The following ABR variants were observed in gnomAD, a reference collection of about 807,000 sequenced individuals.
ABR encodes the protein active breakpoint cluster region-related protein.
Under a neutral mutation model 107.2 loss-of-function variants are expected in ABR, and 35 were observed. That is an observed-to-expected ratio of 0.33 (90% CI 0.25 to 0.43). ABR has a LOEUF of 0.43. Ranked by LOEUF, ABR falls within the 20% of genes least tolerant of loss-of-function variation. ABR has a pLI of 1.00. For synonymous variants in ABR, 498 were observed against 462.0 expected (o/e 1.08, Z -1.00); for missense variants, 815 against 1,115.2 (o/e 0.73, Z 3.83).
chr17:1,156,752 G>C (rs537979985), intron 1 of ABR, among the ~76,000 whole-genome samples: 18 of 152,278 alleles, frequency 1.2e-4, no homozygotes, highest in Admixed American at 7.8e-4. Flanking sequence ...TTGGTGAATA[G>C]TGAGTTCCAC....
chr17:1,014,634 C>T (rs1273471522), intron 16 of ABR, among the ~76,000 whole-genome samples: 25 of 150,658 alleles, frequency 1.7e-4, no homozygotes, highest in Admixed American at 1.1e-3. Flanking sequence ...GTCAGGAGAT[C>T]GAGACCATCC....
rs572987213 is a variant in ABR at position 1,056,471 on chromosome 17, G to A, written c.1487-362C>T. On this transcript the variant is annotated intron_variant, in intron 13 of 22. Transcript: ENST00000302538. ...AATCATTCTGCTAATGATTTATGTC[G>A]AGGAAAGCTTGCCTTCAGGACCCCG... 2.6e-5 allele frequency among the ~76,000 whole-genome samples: 4 copies of A among 152,072 alleles called. No homozygotes were observed. The South Asian group carries it at 6.2e-4, about 24-fold the overall frequency.
At chr17:1,049,252 C>G (rs2032148107) in intron 16 of ABR, among the ~76,000 whole-genome samples, 1 of 152,160 alleles carries the variant, frequency 6.6e-6, no homozygotes, top group Admixed American at 6.5e-5. Flanking sequence ...ACTGCAACCT[C>G]TACCTCCTGG....
chr17:1,172,175 A>G (rs2041740667), intron 1 of ABR, among the ~76,000 whole-genome samples: 1 of 152,266 alleles, frequency 6.6e-6, no homozygotes, highest in African/African-American at 2.4e-5. Flanking sequence ...ACCCGGGGAC[A>G]GAGAACCCGC....
In ABR at chr17:1,142,361, GA is replaced by G. The variant is rs375683598; in HGVS notation, c.62-16995del. Among the ~76,000 whole-genome samples, 4 of 152,012 alleles carry G rather than the reference GA, an allele frequency of 2.6e-5. No individual in the cohort carries two copies. In the East Asian group the frequency reaches 7.8e-4, roughly 30 times the overall value. The stretch of plus-strand genomic sequence containing the variant: ...GCACTTTGGGAGGCCGAGGCAGGCG[GA>G]TCACCTGAAGTCGAGAGTTCGAGAC... On this transcript the variant is annotated intron_variant, in intron 1 of 22. Transcript: ENST00000302538.
At chr17:1,163,276 A>G (rs573162675) in intron 1 of ABR, among the ~76,000 whole-genome samples, 12 of 152,334 alleles carry the variant, frequency 7.9e-5, no homozygotes, top group African/African-American at 2.6e-4. Flanking sequence ...CTCTGCATCA[A>G]TCGCATCGTG....
intron 10 of ABR, among the ~76,000 whole-genome samples, chr17:1,062,011 C>A (rs1352589226): frequency 6.6e-6 from 1 of 152,220 alleles, no homozygotes; most frequent in Non-Finnish European, 1.5e-5. Flanking sequence ...GCCACAGGAT[C>A]TGGGGACAGG....
chr17:1,132,797 T>C (rs1008017127), intron 1 of ABR, among the ~76,000 whole-genome samples: 13 of 152,332 alleles, frequency 8.5e-5, no homozygotes, highest in African/African-American at 2.4e-4. Context: ...TTAAAAAGAA[T>C]GTTAACCTCA....
rs114764862 is a variant in ABR at position 1,155,244 on chromosome 17, G to C, written c.61+24423C>G. On this transcript the variant is annotated intron_variant, in intron 1 of 22. Coordinates refer to ENST00000302538, the MANE Select transcript of ABR (RefSeq NM_021962.5). ...CACGGAGTCACGTTGAGTGAGTCCA[G>C]AAAGGAACCCACATATCTATGGTCG... Among the ~76,000 whole-genome samples the C allele has an allele frequency of 3.1e-3, 474 of 152,280 alleles. 2 individuals carry two copies. The highest frequency in any genetic ancestry group is 0.011 in the African/African-American group (447 of 41,554).
At chr17:1,111,282 C>A (rs982205175) in intron 2 of ABR, among the ~76,000 whole-genome samples, 2 of 152,206 alleles carry the variant, frequency 1.3e-5, no homozygotes, top group African/African-American at 2.4e-5. Context: ...GAACCCCACA[C>A]AAGTGACTCC....
intron 10 of ABR, among the ~76,000 whole-genome samples, chr17:1,066,727 C>T (rs1008164889): frequency 1.3e-5 from 2 of 152,114 alleles, no homozygotes; most frequent in Non-Finnish European, 2.9e-5. Flanking sequence ...CAGGGTTTTG[C>T]CATGTTGGCC....
intron 10 of ABR, among the ~76,000 whole-genome samples, chr17:1,062,823 T>A: frequency 6.9e-6 from 1 of 145,474 alleles, no homozygotes; most frequent in East Asian, 2.0e-4. Context: ...TGCATGTTCC[T>A]CTAGACACTG....
At chr17:1,080,612 G>C (rs552869635) in intron 5 of ABR, among the ~76,000 whole-genome samples, 2 of 151,864 alleles carry the variant, frequency 1.3e-5, no homozygotes, top group Non-Finnish European at 2.9e-5. Context: ...CAGGTGATGA[G>C]GCCAAGGTCA....
chr17:1,080,735 G>A (rs1168884409), intron 5 of ABR, among the ~76,000 whole-genome samples: 1 of 143,532 alleles, frequency 7.0e-6, no homozygotes, highest in Non-Finnish European at 1.5e-5. Context: ...CCTGGAGATG[G>A]AGCTTGGGTG....
At chr17:1,180,050 T>TG (rs1351222466), upstream of ABR, among the ~76,000 whole-genome samples, 6 of 22,734 alleles carry the variant, frequency 2.6e-4, no homozygotes, top group South Asian at 9.7e-4. Flanking sequence ...GGGGCGGGGC[T>TG]TTGGTGCGGG....
intron 16 of ABR, among the ~76,000 whole-genome samples, chr17:1,032,687 T>C (rs1454441917): frequency 1.5e-5 from 2 of 130,300 alleles, no homozygotes; most frequent in African/African-American, 5.5e-5. Flanking sequence ...AACTTGTTCT[T>C]GACCTTCAAT....
At chr17:1,059,379 T>C (rs1202988221) in intron 10 of ABR, among the ~76,000 whole-genome samples, 1 of 152,222 alleles carries the variant, frequency 6.6e-6, no homozygotes, top group Non-Finnish European at 1.5e-5. Context: ...GGCGGGGTGC[T>C]ATGCCTCCTT....
intron 1 of ABR, among the ~76,000 whole-genome samples, chr17:1,220,856 G>C (rs2043107671): frequency 6.6e-6 from 1 of 152,184 alleles, no homozygotes; most frequent in Non-Finnish European, 1.5e-5. Context: ...GCCCAGCCCT[G>C]TGAAAGATAC....
intron 2 of ABR, chr17:1,100,982 C>T (rs1459401546): frequency 3.7e-6 from 2 of 535,348 alleles, no homozygotes; most frequent in South Asian, 2.2e-5. Context: ...TGCCACCATG[C>T]CCAGATAATT....
Sources: gnomAD v4.1 joint callset for allele counts (sites outside exome capture counted in the v4.1 genomes callset) on GRCh38, gnomAD v4.1.1 for gene constraint, MANE v1.5 for transcripts, NCBI Gene and HGNC (gene_info 2026-07-23, HGNC 2026-07-21) for gene names.